Variants in FER observed in about 807,000 individuals in gnomAD.
FER encodes the protein tyrosine-protein kinase Fer.
A neutral mutation model predicts 111.0 loss-of-function variants in FER; 63 were observed. The observed-to-expected ratio is 0.57, with a 90% confidence interval of 0.46 to 0.70. The LOEUF (loss-of-function observed/expected upper bound fraction) is 0.70, where lower values mean the gene tolerates loss of function less well. FER is among the 30% of genes least tolerant of loss of function. FER has a pLI of 0.00. For missense variants in FER, 914 were observed against 954.0 expected, an observed-to-expected ratio of 0.96 and a Z score of 0.55; for synonymous variants, 327 against 313.9, an observed-to-expected ratio of 1.04 and a Z score of -0.44.
intron 8 of FER, among the ~76,000 whole-genome samples, chr5:108,880,050 T>C (rs1461581585): frequency 6.6e-6 from 1 of 152,074 alleles, no homozygotes; most frequent in African/African-American, 2.4e-5. Context: ...ATTTGTCTTT[T>C]CTTCTTTGAT....
intron 10 of FER, among the ~76,000 whole-genome samples, chr5:108,919,673 T>C (rs1247614731): frequency 6.6e-6 from 1 of 152,176 alleles, no homozygotes; most frequent in East Asian, 1.9e-4. Flanking sequence ...GACAAGAACA[T>C]TGAAGCTTGA....
intron 2 of FER, among the ~76,000 whole-genome samples, chr5:108,797,884 C>T (rs560849941): frequency 1.5e-4 from 23 of 152,190 alleles, no homozygotes; most frequent in Non-Finnish European, 1.0e-4. Context: ...TTACTTCTTC[C>T]TTTCCGATCT....
intron 2 of FER, among the ~76,000 whole-genome samples, chr5:108,769,471 G>A (rs555441326): frequency 6.6e-6 from 1 of 152,156 alleles, no homozygotes; most frequent in Non-Finnish European, 1.5e-5. Context: ...GGGCTTTGAA[G>A]GGTTTGGCCC....
intron 13 of FER, among the ~76,000 whole-genome samples, chr5:109,012,788 TG>T (rs1254186412): frequency 6.6e-6 from 1 of 151,420 alleles, no homozygotes; most frequent in African/African-American, 2.4e-5. Context: ...TTTGCCAAAA[TG>T]GAAAAGAGAA....
intron 17 of FER, among the ~76,000 whole-genome samples, chr5:109,145,364 TACA>T (rs1388154183): frequency 1.3e-5 from 2 of 152,080 alleles, no homozygotes; most frequent in African/African-American, 2.4e-5. Context: ...TGCTAAGCTT[TACA>T]ACAACATGAG....
At chr5:108,845,071 C>T (rs868036074) in intron 5 of FER, among the ~76,000 whole-genome samples, 82 of 94,538 alleles carry the variant, frequency 8.7e-4, no homozygotes, top group Non-Finnish European at 1.2e-3. Flanking sequence ...TATATATACA[C>T]ACACACACAC....
At chr5:108,939,017 TGTTTAACTGTGCA>T (rs1390585279) in intron 10 of FER, among the ~76,000 whole-genome samples, 1 of 152,094 alleles carries the variant, frequency 6.6e-6, no homozygotes, top group Non-Finnish European at 1.5e-5. Context: ...TGTTTAAATT[TGTTTAACTGTGCA>T]TTTCTAAAAT....
intron 5 of FER, among the ~76,000 whole-genome samples, chr5:108,860,272 A>C (rs1763392484): frequency 6.6e-6 from 1 of 151,770 alleles, no homozygotes; most frequent in Non-Finnish European, 1.5e-5. Context: ...GCTTTATAGG[A>C]GCATATAAAC....
intron 10 of FER, among the ~76,000 whole-genome samples, chr5:108,898,412 C>T (rs964573833): frequency 1.3e-5 from 2 of 151,854 alleles, no homozygotes; most frequent in African/African-American, 4.8e-5. Flanking sequence ...CTTCTTCTCT[C>T]CTTTCCTTTC....
At chr5:108,805,805 G>A (rs1002265602) in intron 3 of FER, among the ~76,000 whole-genome samples, 5 of 152,258 alleles carry the variant, frequency 3.3e-5, no homozygotes, top group Admixed American at 2.6e-4. Context: ...AGGTGACTTG[G>A]GTGCTGTTAA....
intron 13 of FER, among the ~76,000 whole-genome samples, chr5:109,034,647 A>T (rs1770108269): frequency 2.0e-5 from 3 of 151,828 alleles, no homozygotes; most frequent in African/African-American, 7.3e-5. Context: ...CTTTAAATGG[A>T]TGTTTAGGGG....
chr5:109,058,724 C>CTTTTTTTTTTTTTTTTTTTTTTTTT lies in FER; in HGVS notation c.1924+11528_1924+11552dup, dbSNP rs746184286. Among the ~76,000 whole-genome samples the CTTTTTTTTTTTTTTTTTTTTTTTTT allele has an allele frequency of 4.3e-4, 33 of 76,280 alleles. 1 individual carries two copies. The highest frequency in any genetic ancestry group is 5.3e-4 in the African/African-American group (9 of 17,094). 50.0% of individuals were successfully genotyped at this position (76,280 alleles called of 152,430 possible). A position where few individuals can be genotyped will look rare whatever the true frequency, so the allele number is the denominator to read the frequency against. On this transcript the variant is annotated intron_variant, in intron 16 of 19. Transcript: ENST00000281092. ...TCTTTTTCTTTTTCTTTCTTTCTTT[C>CTTTTTTTTTTTTTTTTTTTTTTTTT]TTTTTTTTTTTTTTTTTTTTTTTTT...
chr5:108,926,929 G>A (rs1423559390), intron 10 of FER, among the ~76,000 whole-genome samples: 2 of 152,166 alleles, frequency 1.3e-5, no homozygotes, highest in East Asian at 3.9e-4. Flanking sequence ...TTAGGCAGAA[G>A]TTGTCCTTTT....
At chr5:109,105,884 A>G (rs1261684723) in intron 17 of FER, among the ~76,000 whole-genome samples, 1 of 152,246 alleles carries the variant, frequency 6.6e-6, no homozygotes, top group African/African-American at 2.4e-5. Flanking sequence ...AATGGATTCC[A>G]AAAGCCTGGA....
At chr5:109,087,430 C>T (rs577901309) in intron 16 of FER, among the ~76,000 whole-genome samples, 2 of 151,590 alleles carry the variant, frequency 1.3e-5, no homozygotes, top group Non-Finnish European at 1.5e-5. Context: ...TCTTTATTTC[C>T]CTTTGCTCTA....
rs773963733 is a variant in FER, at chr5:108,927,250, C to CTTTTTTT, written c.1237-18879_1237-18878insTTTTTTT. Reference sequence around the variant, plus strand: ...CATGTAATTCAGCATTGAGAAGTGGCTCTTTTTTTTTTTTTTTTTTTGAGA... The same window carrying CTTTTTTT: ...CATGTAATTCAGCATTGAGAAGTGGCTTTTTTTTCTTTTTTTTTTTTTTTTTTTGAGA... On this transcript the variant is annotated intron_variant, in intron 10 of 19. Coordinates refer to ENST00000281092, the MANE Select transcript of FER (RefSeq NM_005246.4). 3.5e-4 allele frequency among the ~76,000 whole-genome samples: 33 copies of CTTTTTTT among 95,334 alleles called. 1 individual carries two copies. The highest frequency in any genetic ancestry group is 4.4e-4 in the African/African-American group (6 of 13,490). 62.5% of individuals were successfully genotyped at this position (95,334 alleles called of 152,430 possible). A position where few individuals can be genotyped will look rare whatever the true frequency, so the allele number is the denominator to read the frequency against.
At chr5:109,078,793 T>C (rs922683592) in intron 16 of FER, among the ~76,000 whole-genome samples, 2 of 152,182 alleles carry the variant, frequency 1.3e-5, no homozygotes, top group Non-Finnish European at 2.9e-5. Context: ...ATAGAACATC[T>C]CCACTATTTT....
rs778507186 is a variant in FER, at chr5:108,954,896, T to C, written c.1497T>C (p.Asp499=). Residue 499 remains aspartate, a synonymous_variant, in exon 12 of 20, where the codon GAT becomes GAC. Transcript: ENST00000281092. ...PGEYVLSVYS[D]GQRRHFIIQY... is the part of the protein sequence containing the mutation. ...AATATGTCCTTTCTGTATATTCTGA[T>C]GGACAGAGGAGACATTTTATCATAC... The C allele has an allele frequency of 1.9e-6, 3 of 1,610,604 alleles. No individual in the cohort carries two copies. Among genetic ancestry groups the C allele is most frequent in the Non-Finnish European group, 2.5e-6 (3 of 1,178,662 alleles).
intron 2 of FER, among the ~76,000 whole-genome samples, chr5:108,775,590 A>G (rs1457342423): frequency 6.6e-6 from 1 of 152,176 alleles, no homozygotes; most frequent in Non-Finnish European, 1.5e-5. Context: ...AGACTTTCAA[A>G]GTTTTTATTA....
Sources: allele counts gnomAD v4.1 joint callset (sites outside exome capture counted in the v4.1 genomes callset), GRCh38; gene constraint gnomAD v4.1.1; transcripts MANE v1.5; gene names NCBI Gene and HGNC (gene_info 2026-07-23, HGNC 2026-07-21).